Variants in OR51S1 observed in about 807,000 individuals in gnomAD.
OR51S1 encodes olfactory receptor 51S1.
In OR51S1, 1 loss-of-function variant was observed where a neutral mutation model predicts 0.3. The ratio of observed to expected loss-of-function variants is 3.51; its 90% confidence interval spans 1.25 to 16.67. The LOEUF (loss-of-function observed/expected upper bound fraction) is 16.67, where lower values mean the gene tolerates loss of function less well. Among genes scored for constraint, OR51S1 ranks in the 30% most tolerant of loss-of-function variants. The probability of loss-of-function intolerance (pLI) is 0.12; values close to 1 mark genes in which losing one functional copy is unlikely to be tolerated. For synonymous variants in OR51S1, 180 were observed against 159.4 expected (o/e 1.13, Z -0.97); for missense variants, 479 against 393.8 (o/e 1.22, Z -1.83).
rs1264816915 is a variant in OR51S1 at position 4,849,177 on chromosome 11, T to A, written c.32A>T (p.Asn11Ile). The A allele has an allele frequency of 2.5e-6, 4 of 1,612,766 alleles. No individual in the cohort carries two copies. Among genetic ancestry groups the A allele is most frequent in the Non-Finnish European group, 3.4e-6 (4 of 1,179,516 alleles). ...GGTGGGGGCCATTGAAGTGCTGCTA[T>A]TGGGGGCTATCTGAGTTGGTAATGT... is the stretch of plus-strand genomic sequence containing the variant. MSTLPTQIAP[N>I]SSTSMAPTFL... Residue 11 changes from asparagine to isoleucine, a missense_variant, in exon 1 of 1, where the codon AAT (asparagine) becomes ATT (isoleucine). Coordinates refer to ENST00000322101, the MANE Select transcript of OR51S1 (RefSeq NM_001004758.1).
Position 4,848,937 on chromosome 11 carries a change from C to T in OR51S1, c.272G>A (p.Gly91Asp), listed in dbSNP as rs765396958. 2 of 1,613,998 alleles carry T rather than the reference C, an allele frequency of 1.2e-6. No individual in the cohort carries two copies. Among genetic ancestry groups the T allele is most frequent in the Admixed American group, 3.3e-5 (2 of 60,010 alleles). Residue 91 changes from glycine (G) to aspartate (D), a missense_variant, in exon 1 of 1, where the codon GGC becomes GAC. Coordinates refer to ENST00000322101, the MANE Select transcript of OR51S1 (RefSeq NM_001004758.1). ...AGTGTGAGCACCAGCAAGGGCGATG[C>T]CCAGCAGTGTGGGCATCAGGGCAGT... The part of the protein sequence containing the change: ...LVTALMPTLL[G>D]IALAGAHTVP...
Position 4,849,038 on chromosome 11 carries a change from A to G in OR51S1, c.171T>C (p.Ile57=). The change falls in exon 1 of 1, where the codon ATT becomes ATC. Residue 57 remains isoleucine, a synonymous_variant. Transcript: ENST00000322101. The part of the protein sequence containing the change: ...ALGNGTILWI[I]ALQPALHRPM... ...GGCGGTGCAGGGCGGGCTGCAGGGC[A>G]ATGATCCAGAGGATGGTGCCATTTC... 1 of 1,614,114 alleles carries G rather than the reference A, an allele frequency of 6.2e-7. No homozygotes were observed. Among genetic ancestry groups the G allele is most frequent in the Non-Finnish European group, 8.5e-7 (1 of 1,179,996 alleles).
chr11:4,848,617 G>A lies in OR51S1; in HGVS notation c.592C>T (p.Pro198Ser), dbSNP rs747194046. 6.2e-7 allele frequency: 1 copy of A among 1,609,318 alleles called. No individual in the cohort carries two copies. Among genetic ancestry groups the A allele is most frequent in the Admixed American group, 1.7e-5 (1 of 59,684 alleles). Residue 198 changes from proline to serine, a missense_variant, in exon 1 of 1, where the codon CCA (proline) becomes TCA (serine). Transcript: ENST00000322101. Reference protein sequence around the residue: ...LHPDVARLACPEAWGAAYSLF... With the variant: ...LHPDVARLACSEAWGAAYSLF... ...CTGTAGGCTGCACCCCAAGCTTCTG[G>A]GCAGGCCAAACGAGCCACATCTGGA...
rs767316024 is a variant in OR51S1, at chr11:4,849,134, C to T, written c.75G>A (p.Met25Ile). The T allele has an allele frequency of 1.9e-6, 3 of 1,613,974 alleles. No individual in the cohort carries two copies. The highest frequency in any genetic ancestry group is 1.7e-5 in the Admixed American group (1 of 60,008). Residue 25 changes from methionine (M) to isoleucine (I), a missense_variant, in exon 1 of 1, where the codon ATG (methionine) becomes ATA (isoleucine). Transcript: ENST00000322101. ...AGGAGGGTGCACCTGATAGGCCTGG[C>T]ATGCCCACCAGCAAGAAGGTGGGGG... ...SMAPTFLLVGMPGLSGAPSWW... is the reference protein window; with the variant it reads ...SMAPTFLLVGIPGLSGAPSWW...
Position 4,848,714 on chromosome 11 carries a change from C to T in OR51S1, c.495G>A (p.Leu165=), listed in dbSNP as rs745993003. ...TGTAGGCCAGCAGGAATGGCAGGGG[C>T]AGATGGAGACCCAGGCATCGAAAAG... is the stretch of plus-strand genomic sequence containing the variant. ...AISFRCLGLH[L]PLPFLLAYMP... is the part of the protein sequence containing the mutation. Residue 165 remains leucine (L), a synonymous_variant, in exon 1 of 1, where the codon CTG becomes CTA. Transcript: ENST00000322101. 1 of 1,614,020 alleles carries T rather than the reference C, an allele frequency of 6.2e-7. No individual in the cohort carries two copies. Among genetic ancestry groups the T allele is most frequent in the South Asian group, 1.1e-5 (1 of 91,050 alleles).
In OR51S1 at chr11:4,849,202, T is replaced by C. The variant is rs749531920; in HGVS notation, c.7A>G (p.Thr3Ala). The C allele has an allele frequency of 6.2e-7, 1 of 1,608,274 alleles. No homozygotes were observed. Among genetic ancestry groups the C allele is most frequent in the East Asian group, 2.2e-5 (1 of 44,844 alleles). The stretch of plus-strand genomic sequence containing the variant: ...TTGGGGGCTATCTGAGTTGGTAATG[T>C]TGACATAGTTCAGGATTCCACGTTG... MS[T>A]LPTQIAPNSS... is the part of the protein sequence containing the mutation. The change falls in exon 1 of 1, where the codon ACA (threonine) becomes GCA (alanine). Residue 3 changes from threonine (T) to alanine (A), a missense_variant. By Grantham distance (58) the Thr-to-Ala change is moderately conservative. Coordinates refer to ENST00000322101, the MANE Select transcript of OR51S1 (RefSeq NM_001004758.1).
In OR51S1 at chr11:4,848,351, G is replaced by C. The variant is rs1487395505; in HGVS notation, c.858C>G (p.Val286=). 1.2e-6 allele frequency: 2 copies of C among 1,614,102 alleles called. No individual in the cohort carries two copies. The highest frequency in any genetic ancestry group is 2.2e-5 in the South Asian group (2 of 91,080). The change falls in exon 1 of 1, where the codon GTC becomes GTG. Residue 286 remains valine, a synonymous_variant. Coordinates refer to ENST00000322101, the MANE Select transcript of OR51S1 (RefSeq NM_001004758.1). ...TTATCAATGGAGGAAGAAGGAAATG[G>C]ACATAGGATAGAAGAGTATGGGTAT... ...TQHTHTLLSY[V]HFLLPPLINP...
rs768579248 is a variant in OR51S1 at position 4,848,730 on chromosome 11, C to A, written c.479G>T (p.Cys160Phe). The stretch of plus-strand genomic sequence containing the variant: ...TGGCAGGGGCAGATGGAGACCCAGG[C>A]ATCGAAAAGAAATGGCCAGGCTGAT... ...SKISLAISFR[C>F]LGLHLPLPFL... Residue 160 changes from cysteine (C) to phenylalanine (F), a missense_variant, in exon 1 of 1, where the codon TGC becomes TTC. Transcript: ENST00000322101. 6 of 1,613,770 alleles carry A rather than the reference C, an allele frequency of 3.7e-6. No homozygotes were observed. The highest frequency in any genetic ancestry group is 5.1e-6 in the Non-Finnish European group (6 of 1,179,946).
At position 4,848,309 on chromosome 11, in the gene OR51S1, A is replaced by G. The variant is rs1359579560; in HGVS notation, c.900T>C (p.Ser300=). The part of the protein sequence containing the change: ...LPPLINPILY[S]VKMKEIRKRI... ...TCTTTCTAATCTCCTTCATCTTGAC[A>G]CTATAGAGAATAGGGTTTATCAATG... Residue 300 remains serine (S), a synonymous_variant, in exon 1 of 1, where the codon AGT becomes AGC. Transcript: ENST00000322101. 1 of 1,614,016 alleles carries G rather than the reference A, an allele frequency of 6.2e-7. No homozygotes were observed. Among genetic ancestry groups the G allele is most frequent in the Admixed American group, 1.7e-5 (1 of 60,014 alleles).
chr11:4,848,506 C>A lies in OR51S1; in HGVS notation c.703G>T (p.Val235Leu), dbSNP rs1849914918. 1 of 1,613,478 alleles carries A rather than the reference C, an allele frequency of 6.2e-7. No homozygotes were observed. The highest frequency in any genetic ancestry group is 8.5e-7 in the Non-Finnish European group (1 of 1,179,694). Residue 235 changes from valine (V) to leucine (L), a missense_variant, in exon 1 of 1, where the codon GTG becomes TTG. Val to Leu is a conservative substitution (Grantham distance 32, BLOSUM62 1). Coordinates refer to ENST00000322101, the MANE Select transcript of OR51S1 (RefSeq NM_001004758.1). ...YGLIGKVLQG[V>L]ESREDRWKAG... ...TTCCAGCGATCCTCTCTGGACTCCA[C>A]ACCTTGCAACACCTTGCCAATCAGG...
Position 4,848,610 on chromosome 11 carries a change from G to T in OR51S1, c.599C>A (p.Ala200Asp), listed in dbSNP as rs1378661147. Residue 200 changes from alanine to aspartate, a missense_variant, in exon 1 of 1, where the codon GCT (alanine) becomes GAT (aspartate). By Grantham distance (126) the Ala-to-Asp change is moderately radical. Coordinates refer to ENST00000322101, the MANE Select transcript of OR51S1 (RefSeq NM_001004758.1). ...AAATAGGCTGTAGGCTGCACCCCAA[G>T]CTTCTGGGCAGGCCAAACGAGCCAC... Reference protein sequence around the residue: ...PDVARLACPEAWGAAYSLFVV... With the variant: ...PDVARLACPEDWGAAYSLFVV... The T allele has an allele frequency of 5.6e-6, 9 of 1,607,788 alleles. No homozygotes were observed. Among genetic ancestry groups the T allele is most frequent in the African/African-American group, 1.3e-5 (1 of 74,908 alleles).
rs376299030 is a variant in OR51S1 at position 4,848,958 on chromosome 11, G to C, written c.251C>G (p.Ala84Gly). 8 of 1,614,034 alleles carry C rather than the reference G, an allele frequency of 5.0e-6. No individual in the cohort carries two copies. The highest frequency in any genetic ancestry group is 6.8e-6 in the Non-Finnish European group (8 of 1,180,016). ...GATGCCCAGCAGTGTGGGCATCAGG[G>C]CAGTGACCAATCCAATATCAGACAC... Reference protein sequence around the residue: ...LSVSDIGLVTALMPTLLGIAL... With the variant: ...LSVSDIGLVTGLMPTLLGIAL... Residue 84 changes from alanine to glycine, a missense_variant, in exon 1 of 1, where the codon GCC (alanine) becomes GGC (glycine). Transcript: ENST00000322101.
Position 4,848,898 on chromosome 11 carries a change from G to T in OR51S1, c.311C>A (p.Ala104Asp). ...GATAAAAACCATCTGTAGAAGGCAG[G>T]CTGAGGCAGGGACAGTGTGAGCACC... is the stretch of plus-strand genomic sequence containing the variant. Reference protein sequence around the residue: ...LAGAHTVPASACLLQMVFIHV... With the variant: ...LAGAHTVPASDCLLQMVFIHV... The change falls in exon 1 of 1, where the codon GCC becomes GAC. Residue 104 changes from alanine to aspartate, a missense_variant. Transcript: ENST00000322101. 6.2e-7 allele frequency: 1 copy of T among 1,614,156 alleles called. No individual in the cohort carries two copies. Among genetic ancestry groups the T allele is most frequent in the Non-Finnish European group, 8.5e-7 (1 of 1,180,010 alleles).
In OR51S1 at chr11:4,848,840, C is replaced by A. The variant is rs115775855; in HGVS notation, c.369G>T (p.Leu123Phe). Reference sequence around the variant, plus strand: ...GTGCCCGATCAATGGACATGGCGAGCAAGACAGAGGACTCCATGACAGAAA... The same window carrying A: ...GTGCCCGATCAATGGACATGGCGAGAAAGACAGAGGACTCCATGACAGAAA... ...HVFSVMESSVLLAMSIDRALA... is the reference protein window; with the variant it reads ...HVFSVMESSVFLAMSIDRALA... Residue 123 changes from leucine to phenylalanine, a missense_variant, in exon 1 of 1, where the codon TTG (leucine) becomes TTT (phenylalanine). Transcript: ENST00000322101. 7.4e-4 allele frequency: 1,197 copies of A among 1,614,122 alleles called. 4 individuals carry two copies. In the African/African-American group the frequency reaches 0.012, roughly 17 times the overall value.
rs1466711874 is a variant in OR51S1 at position 4,848,500 on chromosome 11, A to G, written c.709T>C (p.Ser237Pro). The G allele has an allele frequency of 2.5e-6, 4 of 1,613,598 alleles. No individual in the cohort carries two copies. The highest frequency in any genetic ancestry group is 3.3e-5 in the Admixed American group (2 of 59,962). ...CCAGCCTTCCAGCGATCCTCTCTGG[A>G]CTCCACACCTTGCAACACCTTGCCA... ...LIGKVLQGVE[S>P]REDRWKAGQT... is the part of the protein sequence containing the mutation. Residue 237 changes from serine to proline, a missense_variant, in exon 1 of 1, where the codon TCC (serine) becomes CCC (proline). Physicochemically the swap from Ser to Pro is moderately conservative, Grantham distance 74. Transcript: ENST00000322101.
chr11:4,848,509 C>G lies in OR51S1; in HGVS notation c.700G>C (p.Gly234Arg), dbSNP rs752429033. The G allele has an allele frequency of 5.0e-6, 8 of 1,613,548 alleles. No homozygotes were observed. The highest frequency in any genetic ancestry group is 1.1e-5 in the South Asian group (1 of 90,970). ...SYGLIGKVLQGVESREDRWKA... is the reference protein window; with the variant it reads ...SYGLIGKVLQRVESREDRWKA... Reference sequence around the variant, plus strand: ...CAGCGATCCTCTCTGGACTCCACACCTTGCAACACCTTGCCAATCAGGCCA... The same window carrying G: ...CAGCGATCCTCTCTGGACTCCACACGTTGCAACACCTTGCCAATCAGGCCA... The change falls in exon 1 of 1, where the codon GGT becomes CGT. Residue 234 changes from glycine (G) to arginine (R), a missense_variant. Physicochemically the swap from Gly to Arg is moderately radical, Grantham distance 125. Transcript: ENST00000322101.
rs771591301 is a variant in OR51S1, at chr11:4,848,373, G to A, written c.836C>T (p.Thr279Ile). 2.5e-6 allele frequency: 4 copies of A among 1,614,128 alleles called. No homozygotes were observed. Among genetic ancestry groups the A allele is most frequent in the Admixed American group, 3.3e-5 (2 of 60,028 alleles). ...ATGGACATAGGATAGAAGAGTATGG[G>A]TATGCTGAGTGATTGGCAGCTCAGG... is the stretch of plus-strand genomic sequence containing the variant. ...NHPELPITQH[T>I]HTLLSYVHFL... Residue 279 changes from threonine (T) to isoleucine (I), a missense_variant, in exon 1 of 1, where the codon ACC (threonine) becomes ATC (isoleucine). Physicochemically the swap from Thr to Ile is moderately conservative, Grantham distance 89 (BLOSUM62 -1). Coordinates refer to ENST00000322101, the MANE Select transcript of OR51S1 (RefSeq NM_001004758.1).
rs765964791 is a variant in OR51S1, at chr11:4,849,070, CAG to C, written c.137_138del (p.Ser46CysfsTer29). 1 of 1,614,016 alleles carries C rather than the reference CAG, an allele frequency of 6.2e-7. No individual in the cohort carries two copies. The highest frequency in any genetic ancestry group is 1.1e-5 in the South Asian group (1 of 91,066). On this transcript the variant is annotated frameshift_variant, in exon 1 of 1. Transcript: ENST00000322101. LOFTEE classifies it low-confidence loss of function (END_TRUNC). ...CAGAGGATGGTGCCATTTCCCAGTG[CAG>C]AGAGAAGGTAGACAGCAATGAGGGG... ...TLPLIAVYLL[S>X]ALGNGTILWI...
chr11:4,849,058 C>T lies in OR51S1; in HGVS notation c.151G>A (p.Gly51Ser), dbSNP rs1849933000. 6.2e-7 allele frequency: 1 copy of T among 1,613,992 alleles called. No individual in the cohort carries two copies. The highest frequency in any genetic ancestry group is 8.5e-7 in the Non-Finnish European group (1 of 1,179,962). Reference sequence around the variant, plus strand: ...AGGGCAATGATCCAGAGGATGGTGCCATTTCCCAGTGCAGAGAGAAGGTAG... The same window carrying T: ...AGGGCAATGATCCAGAGGATGGTGCTATTTCCCAGTGCAGAGAGAAGGTAG... ...AVYLLSALGN[G>S]TILWIIALQP... The change falls in exon 1 of 1, where the codon GGC (glycine) becomes AGC (serine). Residue 51 changes from glycine (G) to serine (S), a missense_variant. Physicochemically the swap from Gly to Ser is moderately conservative, Grantham distance 56 (BLOSUM62 0). Transcript: ENST00000322101.
Sources: allele counts gnomAD v4.1 joint callset, GRCh38; gene constraint gnomAD v4.1.1; transcripts MANE v1.5; gene names NCBI Gene and HGNC (gene_info 2026-07-23, HGNC 2026-07-21).